Variants in AKR7A3 observed in about 807,000 individuals in gnomAD.
The protein encoded by AKR7A3 is AFB1 aldehyde reductase 2.
A neutral mutation model predicts 32.5 loss-of-function variants in AKR7A3; 37 were observed. The observed-to-expected ratio is 1.14, with a 90% CI of 0.88 to 1.50. AKR7A3 has a LOEUF of 1.50. Among genes scored for constraint, AKR7A3 ranks in the 40% most tolerant of loss-of-function variants. The pLI is 0.00. For synonymous variants in AKR7A3, 177 were observed against 188.4 expected, an observed-to-expected ratio of 0.94 and a Z score of 0.50; for missense variants, 412 against 453.2, an observed-to-expected ratio of 0.91 and a Z score of 0.83.
rs1164017393 is a variant in AKR7A3 at position 19,288,685 on chromosome 1, G to A, written c.25C>T (p.Arg9Trp). 9 of 1,517,218 alleles carry A rather than the reference G, an allele frequency of 5.9e-6. No individual in the cohort carries two copies. The highest frequency in any genetic ancestry group is 1.4e-5 in the African/African-American group (1 of 71,610). 94.0% of individuals were successfully genotyped at this position (1,517,218 alleles called of 1,614,324 possible). MSRQLSRA[R>W]PATVLGAMEM... ...ATGGCGCCCAGCACCGTGGCTGGCCGGGCCCGCGACAGCTGCCGGGACATG... is the reference window on the plus strand; with the variant it reads ...ATGGCGCCCAGCACCGTGGCTGGCCAGGCCCGCGACAGCTGCCGGGACATG... Residue 9 changes from arginine (R) to tryptophan (W), a missense_variant, in exon 1 of 7, where the codon CGG becomes TGG. Arg to Trp is a moderately radical substitution (Grantham distance 101). Coordinates refer to ENST00000361640, the MANE Select transcript of AKR7A3 (RefSeq NM_012067.3).
chr1:19,274,912 A>AAAAAAAAAAAAAAAAAAAC, the AKR7A3 span, among the ~76,000 whole-genome samples: 2 of 148,620 alleles, frequency 1.3e-5, no homozygotes, highest in Non-Finnish European at 1.5e-5. Flanking sequence ...AAAAAAAAAA[A>AAAAAAAAAAAAAAAAAAAC]AAAGACCAAT....
downstream of AKR7A3, among the ~76,000 whole-genome samples, chr1:19,281,199 G>A (rs1372477118): frequency 1.2e-4 from 18 of 151,722 alleles, no homozygotes; most frequent in Non-Finnish European, 1.0e-4. Flanking sequence ...CTACCACCAC[G>A]CCCGGCTATG....
rs1968022 is a variant in AKR7A3, at chr1:19,284,916, C to G, written c.604+102G>C. 1,528,527 of 1,579,242 alleles carry G rather than the reference C, an allele frequency of 0.97. 739,936 individuals are homozygous for G. Among genetic ancestry groups the G allele is most frequent in the East Asian group, 1 (44,687 of 44,690 alleles). On this transcript the variant is annotated intron_variant, in intron 4 of 6. Coordinates refer to ENST00000361640, the MANE Select transcript of AKR7A3 (RefSeq NM_012067.3). The stretch of plus-strand genomic sequence containing the variant: ...GATGCAGCCTTTACGTCTTTGACCT[C>G]AGAGGTCAAAGTTTGTCAAACCCTC...
Position 19,288,557 on chromosome 1 carries a change from C to G in AKR7A3, c.153G>C (p.Glu51Asp), listed in dbSNP as rs201237444. The G allele has an allele frequency of 9.7e-4, 1,531 of 1,584,228 alleles. 1 individual carries two copies. The highest frequency in any genetic ancestry group is 2.4e-3 in the Admixed American group (140 of 59,554). ...CGCCAAGGATGGTCTCGGACTGGCC[C>G]TCGCTGTACACGAAGGCCGTGTCTA... ...TEIDTAFVYS[E>D]GQSETILGGL... The change falls in exon 1 of 7, where the codon GAG becomes GAC. Residue 51 changes from glutamate to aspartate, a missense_variant. By Grantham distance (45) the Glu-to-Asp change is conservative (BLOSUM62 2). Coordinates refer to ENST00000361640, the MANE Select transcript of AKR7A3 (RefSeq NM_012067.3).
chr1:19,286,281 C>T lies in AKR7A3; in HGVS notation c.306G>A (p.Leu102=). The change falls in exon 2 of 7, where the codon CTG becomes CTA. Residue 102 remains leucine, a synonymous_variant. Coordinates refer to ENST00000361640, the MANE Select transcript of AKR7A3 (RefSeq NM_012067.3). The part of the protein sequence containing the change: ...RFQLETSLKR[L]QCPRVDLFYL... ...AGAAGAGGTCCACTCGGGGACACTG[C>T]AGCCGCTTCAGTGACGTCTCCAGCT... 4 of 1,613,926 alleles carry T rather than the reference C, an allele frequency of 2.5e-6. No homozygotes were observed. Among genetic ancestry groups the T allele is most frequent in the South Asian group, 2.2e-5 (2 of 91,082 alleles).
At chr1:19,279,076 G>A (rs1202274749), downstream of AKR7A3, among the ~76,000 whole-genome samples, 1 of 151,654 alleles carries the variant, frequency 6.6e-6, no homozygotes, top group Non-Finnish European at 1.5e-5. Context: ...CTCCCACCTC[G>A]GCTTCCTGAG....
chr1:19,282,099 T>C (rs1157420209), downstream of AKR7A3, among the ~76,000 whole-genome samples: 1 of 151,848 alleles, frequency 6.6e-6, no homozygotes, highest in Non-Finnish European at 1.5e-5. Context: ...TACTTTGCAA[T>C]GTGAGAAGAA....
the AKR7A3 span, among the ~76,000 whole-genome samples, chr1:19,274,899 C>CAAAAAAAAAAAAAAAAAAAAAAAAAAA: frequency 7.5e-4 from 33 of 44,278 alleles, 1 homozygote; most frequent in Admixed American, 1.1e-3. Flanking sequence ...TCTCTAAATA[C>CAAAAAAAAAAAAAAAAAAAAAAAAAAA]AAAAAAAAAA....
chr1:19,276,834 A>C, the AKR7A3 span, among the ~76,000 whole-genome samples: 1 of 151,216 alleles, frequency 6.6e-6, no homozygotes, highest in Non-Finnish European at 1.5e-5. Context: ...TTAACAGGCC[A>C]GGTGTGGTGG....
rs924555213 is a variant in AKR7A3 at position 19,285,960 on chromosome 1, A to G, written c.435T>C (p.Tyr145=). The G allele has an allele frequency of 5.6e-6, 9 of 1,613,542 alleles. No homozygotes were observed. In the Admixed American group the frequency reaches 1.0e-4, roughly 18 times the overall value. The part of the protein sequence containing the change: ...GKFVELGLSN[Y]AAWEVAEICT... The stretch of plus-strand genomic sequence containing the variant: ...AGATCTCGGCCACTTCCCAGGCTGC[A>G]TAGTTGGAGAGGCCAAGCTCCACGA... The change falls in exon 3 of 7, where the codon TAT becomes TAC. Residue 145 remains tyrosine, a synonymous_variant. Transcript: ENST00000361640.
rs572255201 is a variant in AKR7A3 at position 19,285,093 on chromosome 1, G to A, written c.529C>T (p.Arg177Trp). 5.5e-5 allele frequency: 89 copies of A among 1,613,598 alleles called. No homozygotes were observed. In the Admixed American group the frequency reaches 7.2e-4, roughly 13 times the overall value. ...VYQGMYNAIT[R>W]QVETELFPCL... ...GGGAAGAGCTCCGTTTCCACCTGCC[G>A]GGTGATGGCATTGTACATGCCCTGT... is the stretch of plus-strand genomic sequence containing the variant. Residue 177 changes from arginine to tryptophan, a missense_variant, in exon 4 of 7, where the codon CGG becomes TGG. By Grantham distance (101) the Arg-to-Trp change is moderately radical (BLOSUM62 -3). Transcript: ENST00000361640.
chr1:19,288,353 G>T, intron 1 of AKR7A3, 143 bp downstream of exon 1: 2 of 1,050,184 alleles, frequency 1.9e-6, no homozygotes, highest in Non-Finnish European at 2.7e-6. Flanking sequence ...TGTTCCCAAG[G>T]CTGCGAGGTG....
rs760658538 is a variant in AKR7A3 at position 19,286,216 on chromosome 1, G to A, written c.371C>T (p.Thr124Ile). The part of the protein sequence containing the change: ...MPDHSTPVEE[T>I]LRACHQLHQE... ...GTGCAGCTGGTGGCAGGCACGCAGT[G>A]TCTCTTCCACCGGGGTGCTGTGGTC... is the stretch of plus-strand genomic sequence containing the variant. Residue 124 changes from threonine (T) to isoleucine (I), a missense_variant, in exon 2 of 7, where the codon ACA (threonine) becomes ATA (isoleucine). By Grantham distance (89) the Thr-to-Ile change is moderately conservative (BLOSUM62 -1). Transcript: ENST00000361640. 1.2e-6 allele frequency: 2 copies of A among 1,613,142 alleles called. No individual in the cohort carries two copies. The highest frequency in any genetic ancestry group is 4.5e-5 in the East Asian group (2 of 44,880).
chr1:19,282,757 G>A lies in AKR7A3; in HGVS notation c.970C>T (p.His324Tyr). Residue 324 changes from histidine (H) to tyrosine (Y), a missense_variant, in exon 7 of 7, where the codon CAC becomes TAC. His to Tyr is a moderately conservative substitution (Grantham distance 83). Transcript: ENST00000361640. ...AFNQAWHLVT[H>Y]ECPNYFR ...TAGCGGAAGTAGTTGGGACATTCGT[G>A]AGTAACCAAATGCCAGGCTTGATTA... 1.2e-6 allele frequency: 2 copies of A among 1,613,822 alleles called. No individual in the cohort carries two copies. The highest frequency in any genetic ancestry group is 1.3e-5 in the African/African-American group (1 of 74,692).
chr1:19,285,124 G>A lies in AKR7A3; in HGVS notation c.508-10C>T, dbSNP rs1360131931. ...TGGCATTGTACATGCCCTGTAAGGA[G>A]AGGGGCCCCGGGGGAGAGGGTGGAT... On this transcript the variant is annotated splice_polypyrimidine_tract_variant and intron_variant, in intron 3 of 6. Coordinates refer to ENST00000361640, the MANE Select transcript of AKR7A3 (RefSeq NM_012067.3). 5 of 1,613,334 alleles carry A rather than the reference G, an allele frequency of 3.1e-6. No individual in the cohort carries two copies. The highest frequency in any genetic ancestry group is 4.2e-6 in the Non-Finnish European group (5 of 1,179,786).
chr1:19,276,088 C>T, the AKR7A3 span, among the ~76,000 whole-genome samples: 1 of 151,740 alleles, frequency 6.6e-6, no homozygotes, highest in African/African-American at 2.4e-5. Flanking sequence ...ACAGCCCAGG[C>T]GCCGTGGCTC....
intron 5 of AKR7A3, among the ~76,000 whole-genome samples, chr1:19,284,386 G>A (rs2093724924): frequency 6.6e-6 from 1 of 151,920 alleles, no homozygotes; most frequent in Non-Finnish European, 1.5e-5. Context: ...CCGCTAAGAT[G>A]GGTCAGGACT....
At chr1:19,278,150 G>A (rs1399678693), downstream of AKR7A3, among the ~76,000 whole-genome samples, 4 of 151,794 alleles carry the variant, frequency 2.6e-5, no homozygotes, top group Non-Finnish European at 5.9e-5. Flanking sequence ...TGTGTGGTAT[G>A]GGGAAGGGGT....
Position 19,288,677 on chromosome 1 carries a change from G to T in AKR7A3, c.33C>A (p.Ala11=). The part of the protein sequence containing the change: MSRQLSRARP[A]TVLGAMEMGR... ...CCATCTCCATGGCGCCCAGCACCGT[G>T]GCTGGCCGGGCCCGCGACAGCTGCC... The change falls in exon 1 of 7, where the codon GCC becomes GCA. Residue 11 remains alanine (A), a synonymous_variant. Coordinates refer to ENST00000361640, the MANE Select transcript of AKR7A3 (RefSeq NM_012067.3). The T allele has an allele frequency of 6.6e-7, 1 of 1,523,804 alleles. No individual in the cohort carries two copies. The highest frequency in any genetic ancestry group is 8.8e-7 in the Non-Finnish European group (1 of 1,136,624). The allele number at this position is 1,523,804 out of a possible 1,614,324, so 94.4% of individuals were successfully genotyped here.
Sources: allele counts gnomAD v4.1 joint callset (sites outside exome capture counted in the v4.1 genomes callset), GRCh38; gene constraint gnomAD v4.1.1; transcripts MANE v1.5; gene names NCBI Gene and HGNC (gene_info 2026-07-23, HGNC 2026-07-21).